The following RYK variants were observed in gnomAD, a reference collection of about 807,000 sequenced individuals.
The protein encoded by RYK is receptor like tyrosine kinase, also known as inactive tyrosine-protein kinase RYK.
A neutral mutation model predicts 70.2 loss-of-function variants in RYK; 21 were observed. The observed-to-expected ratio is 0.30, with a 90% CI of 0.21 to 0.43. The LOEUF is 0.43. Among genes scored for constraint, RYK ranks in the 20% least tolerant of loss-of-function variants. RYK has a pLI of 1.00. For synonymous variants in RYK, 267 were observed against 278.0 expected (o/e 0.96, Z 0.39); for missense variants, 604 against 753.3 (o/e 0.80, Z 2.32).
At chr3:134,243,649 T>A (rs1054726776) in intron 1 of RYK, among the ~76,000 whole-genome samples, 7 of 152,190 alleles carry the variant, frequency 4.6e-5, no homozygotes, top group Non-Finnish European at 8.8e-5. Context: ...CCACCCTCTA[T>A]GTCTTTGTTC....
At chr3:134,236,153 T>C (rs1223262013) in intron 1 of RYK, among the ~76,000 whole-genome samples, 1 of 152,152 alleles carries the variant, frequency 6.6e-6, no homozygotes, top group East Asian at 1.9e-4. Flanking sequence ...AGTATCATTT[T>C]GTAGAGGTCT....
chr3:134,195,270 T>A, intron 6 of RYK, 88 bp from the exon 7 acceptor site: 1 of 866,980 alleles, frequency 1.2e-6, no homozygotes, highest in Non-Finnish European at 1.9e-6. Context: ...CACATAGCCA[T>A]TAAAACCAGC....
chr3:134,201,547 CAA>C (rs1486825609), intron 6 of RYK, among the ~76,000 whole-genome samples: 2 of 151,780 alleles, frequency 1.3e-5, no homozygotes, highest in African/African-American at 4.8e-5. Flanking sequence ...GAGACAGAGA[CAA>C]AGAGAAAGGG....
At chr3:134,189,254 T>C (rs373029102) in intron 8 of RYK, among the ~76,000 whole-genome samples, 1 of 152,230 alleles carries the variant, frequency 6.6e-6, no homozygotes, top group Non-Finnish European at 1.5e-5. Context: ...TATGAGTTTC[T>C]AGGCTTAGCC....
At chr3:134,173,784 T>C (rs959153043) in intron 13 of RYK, among the ~76,000 whole-genome samples, 2 of 152,126 alleles carry the variant, frequency 1.3e-5, no homozygotes, top group Non-Finnish European at 2.9e-5. Context: ...GGAAAAAAAA[T>C]TTATTTAGTA....
Position 134,177,977 on chromosome 3 carries a change from T to C in RYK, c.1269A>G (p.Leu423=). The C allele has an allele frequency of 1.2e-6, 2 of 1,613,268 alleles. No individual in the cohort carries two copies. The highest frequency in any genetic ancestry group is 8.5e-7 in the Non-Finnish European group (1 of 1,179,522). ...YMNWGNLKLF[L]RQCKLVEANN... Reference sequence around the variant, plus strand: ...TGGCCTCTACTAACTTGCACTGTCGTAAAAACAATTTAAGATTCCCCCAAT... The same window carrying C: ...TGGCCTCTACTAACTTGCACTGTCGCAAAAACAATTTAAGATTCCCCCAAT... The change falls in exon 11 of 15, where the codon TTA becomes TTG. Residue 423 remains leucine (L), a synonymous_variant. Coordinates refer to ENST00000623711, the MANE Select transcript of RYK (RefSeq NM_002958.4).
intron 1 of RYK, among the ~76,000 whole-genome samples, chr3:134,248,375 C>A (rs2015525936): frequency 6.6e-6 from 1 of 152,212 alleles, no homozygotes; most frequent in Non-Finnish European, 1.5e-5. Flanking sequence ...TCCAGGCCAA[C>A]CTTTGAATAA....
chr3:134,196,835 G>A (rs2013834046), intron 6 of RYK, among the ~76,000 whole-genome samples: 1 of 152,068 alleles, frequency 6.6e-6, no homozygotes, highest in Admixed American at 6.6e-5. Flanking sequence ...AATTAAGATA[G>A]AAATGTCCTG....
At chr3:134,243,831 T>G (rs1328739764) in intron 1 of RYK, among the ~76,000 whole-genome samples, 1 of 152,192 alleles carries the variant, frequency 6.6e-6, no homozygotes, top group Non-Finnish European at 1.5e-5. Context: ...CAATAACTTA[T>G]GTCAACCAGC....
At chr3:134,224,489 A>G (rs777684485) in intron 1 of RYK, among the ~76,000 whole-genome samples, 10 of 152,236 alleles carry the variant, frequency 6.6e-5, no homozygotes, top group Non-Finnish European at 8.8e-5. Context: ...CGTGATTGCT[A>G]AAGCATAGCA....
At chr3:134,209,103 A>G (rs1430436932) in intron 4 of RYK, among the ~76,000 whole-genome samples, 1 of 152,230 alleles carries the variant, frequency 6.6e-6, no homozygotes, top group Admixed American at 6.5e-5. Flanking sequence ...CGATTTCTTC[A>G]GTAACAGATA....
At chr3:134,227,781 C>T (rs1056270425) in intron 1 of RYK, among the ~76,000 whole-genome samples, 5 of 151,964 alleles carry the variant, frequency 3.3e-5, no homozygotes, top group Non-Finnish European at 4.4e-5. Flanking sequence ...GCCATTCTCC[C>T]GCCTCAGCCT....
At chr3:134,179,675 C>T (rs1015352243) in intron 10 of RYK, 14 of 152,216 alleles carry the variant, frequency 9.2e-5, no homozygotes, top group African/African-American at 3.1e-4. Context: ...TGGGAGATTA[C>T]AGAGCTTCCT....
rs80275645 is a variant in RYK, at chr3:134,157,249, C to T, written c.*904G>A. 4 of 152,716 alleles carry T rather than the reference C, an allele frequency of 2.6e-5. No homozygotes were observed. Among genetic ancestry groups the T allele is most frequent in the East Asian group, 1.9e-4 (1 of 5,184 alleles). 9.5% of individuals were successfully genotyped at this position (152,716 alleles called of 1,614,324 possible). A position where few individuals can be genotyped will look rare whatever the true frequency, so the allele number is the denominator to read the frequency against. On this transcript the variant is annotated 3_prime_UTR_variant, in exon 15 of 15. Coordinates refer to ENST00000623711, the MANE Select transcript of RYK (RefSeq NM_002958.4). ...TTACATTTAAAAAACAAACAAAAAACGACAACAACTCAAGCACCCGCTCTG... is the reference window on the plus strand; with the variant it reads ...TTACATTTAAAAAACAAACAAAAAATGACAACAACTCAAGCACCCGCTCTG...
At chr3:134,184,515 C>T (rs2013400249) in intron 9 of RYK, among the ~76,000 whole-genome samples, 1 of 152,180 alleles carries the variant, frequency 6.6e-6, no homozygotes, top group Non-Finnish European at 1.5e-5. Flanking sequence ...AATACCACCA[C>T]TTTGGGAGGC....
intron 2 of RYK, among the ~76,000 whole-genome samples, chr3:134,212,743 T>A (rs1043172607): frequency 6.6e-6 from 1 of 151,972 alleles, no homozygotes; most frequent in African/African-American, 2.4e-5. Context: ...AAGAGTATCA[T>A]CCCAGATATA....
At chr3:134,195,876 G>A (rs2013795369) in intron 6 of RYK, among the ~76,000 whole-genome samples, 2 of 151,964 alleles carry the variant, frequency 1.3e-5, no homozygotes, top group South Asian at 4.1e-4. Context: ...AATCTGGGAG[G>A]TGGAGTTTGC....
chr3:134,237,752 G>A (rs1235987164), intron 1 of RYK, among the ~76,000 whole-genome samples: 2 of 152,082 alleles, frequency 1.3e-5, no homozygotes, highest in African/African-American at 2.4e-5. Flanking sequence ...CTCCTCAGCC[G>A]CAAAATTCTA....
chr3:134,184,745 A>G (rs1022318516), intron 9 of RYK, among the ~76,000 whole-genome samples: 1 of 152,068 alleles, frequency 6.6e-6, no homozygotes, highest in African/African-American at 2.4e-5. Flanking sequence ...AGCCTGGGCA[A>G]CAGAGCAAGA....
Sources: gnomAD v4.1 joint callset for allele counts (sites outside exome capture counted in the v4.1 genomes callset) on GRCh38, gnomAD v4.1.1 for gene constraint, MANE v1.5 for transcripts, NCBI Gene and HGNC (gene_info 2026-07-23, HGNC 2026-07-21) for gene names.